The following ESYT1 variants were observed in gnomAD, a reference collection of about 807,000 sequenced individuals.
The protein encoded by ESYT1 is extended synaptotagmin 1, also known as extended synaptotagmin-1.
ESYT1 carries 116 observed loss-of-function variants against 154.2 expected under a neutral mutation model. That is an observed-to-expected ratio of 0.75 (90% confidence interval 0.65 to 0.88). The LOEUF (loss-of-function observed/expected upper bound fraction) is 0.88, where lower values mean the gene tolerates loss of function less well. ESYT1 is among the 40% of genes least tolerant of loss of function. The pLI is 0.00. For synonymous variants in ESYT1, 500 were observed against 539.9 expected, an observed-to-expected ratio of 0.93 and a Z score of 1.02; for missense variants, 1,264 against 1,379.3, an observed-to-expected ratio of 0.92 and a Z score of 1.32.
At position 56,128,541 on chromosome 12, in the gene ESYT1, G is replaced by C; in HGVS notation, c.222G>C (p.Val74=). ...TACCTGTGTATTTGGCCGGGGCAGT[G>C]GGACTCAGCGTGGGTTTCGTGCTCT... The part of the protein sequence containing the change: ...VLIPVYLAGA[V]GLSVGFVLFG... Residue 74 remains valine, a synonymous_variant, in exon 1 of 31, where the codon GTG becomes GTC. Transcript: ENST00000394048. The C allele has an allele frequency of 6.2e-7, 1 of 1,613,308 alleles. No homozygotes were observed. Among genetic ancestry groups the C allele is most frequent in the Non-Finnish European group, 8.5e-7 (1 of 1,179,684 alleles).
At chr12:56,141,520 C>T (rs762247184) in intron 24 of ESYT1, among the ~76,000 whole-genome samples, 54 of 152,302 alleles carry the variant, frequency 3.5e-4, no homozygotes, top group Non-Finnish European at 6.8e-4. Context: ...GCGGGCAGAT[C>T]ACAAGGTCAG....
At chr12:56,130,645 A>C (rs762662491) in intron 2 of ESYT1, 22 bp downstream of exon 2, 3 of 1,614,102 alleles carry the variant, frequency 1.9e-6, no homozygotes, top group African/African-American at 2.7e-5. Flanking sequence ...TTTGATTTTT[A>C]GTCTTCATGA....
chr12:56,133,568 T>C lies in ESYT1; in HGVS notation c.1294-20T>C, dbSNP rs369662109. The C allele has an allele frequency of 1.2e-6, 2 of 1,614,054 alleles. No homozygotes were observed. The highest frequency in any genetic ancestry group is 8.5e-7 in the Non-Finnish European group (1 of 1,179,868). ...AGTTGAGCAGGTATCTGATCTCTAC[T>C]ACATCTCAATTTCTTCTAGTGGTTC... On this transcript the variant is annotated intron_variant, in intron 11 of 30. Coordinates refer to ENST00000394048, the MANE Select transcript of ESYT1 (RefSeq NM_015292.3).
chr12:56,136,933 C>T, intron 16 of ESYT1, 40 bp downstream of exon 16: 1 of 1,539,532 alleles, frequency 6.5e-7, no homozygotes, highest in East Asian at 2.3e-5. Context: ...GGGGGAAAGG[C>T]CTGTTGATTC....
rs760497101 is a variant in ESYT1, at chr12:56,142,840, T to C, written c.2894T>C (p.Leu965Pro). The C allele has an allele frequency of 1.2e-6, 2 of 1,614,202 alleles. No homozygotes were observed. Among genetic ancestry groups the C allele is most frequent in the Non-Finnish European group, 1.7e-6 (2 of 1,180,030 alleles). Residue 965 changes from leucine (L) to proline (P), a missense_variant, in exon 27 of 31, where the codon CTT becomes CCT. Physicochemically the swap from Leu to Pro is moderately conservative, Grantham distance 98 (BLOSUM62 -3). Coordinates refer to ENST00000394048, the MANE Select transcript of ESYT1 (RefSeq NM_015292.3). This position sits in a 1 kb window ranked among gnomAD's most constrained non-coding sequence, Gnocchi z 4.1. ...RQRLTHVDSP[L>P]EAPAGPLGQV... ...CTACTGATATTTCTCCACAGTCCCCTTGAGGCTCCAGCCGGGCCTCTGGGC... is the reference window on the plus strand; with the variant it reads ...CTACTGATATTTCTCCACAGTCCCCCTGAGGCTCCAGCCGGGCCTCTGGGC...
intron 2 of ESYT1, 62 bp downstream of exon 2, chr12:56,130,685 C>T (rs1870196626): frequency 1.2e-6 from 2 of 1,613,434 alleles, no homozygotes; most frequent in Non-Finnish European, 1.7e-6. Context: ...TTCTTCTTGC[C>T]AGACCCATCC....
intron 29 of ESYT1, 95 bp from the exon 30 acceptor site, chr12:56,143,485 G>T: frequency 6.4e-7 from 1 of 1,555,920 alleles, no homozygotes; most frequent in South Asian, 1.1e-5. Flanking sequence ...GAAGGAACAT[G>T]GTCTTTGGAG....
chr12:56,137,508 C>T lies in ESYT1; in HGVS notation c.1948C>T (p.Arg650Trp), dbSNP rs769939110. 5 of 1,612,418 alleles carry T rather than the reference C, an allele frequency of 3.1e-6. No individual in the cohort carries two copies. The highest frequency in any genetic ancestry group is 2.2e-5 in the East Asian group (1 of 44,862). ...DSQFGTEHVL[R>W]IHVLEAQDLI... is the part of the protein sequence containing the mutation. Reference sequence around the variant, plus strand: ...CCCGTCCCTTTTGCAGCATGTGCTTCGGATCCATGTATTAGAGGCCCAGGA... The same window carrying T: ...CCCGTCCCTTTTGCAGCATGTGCTTTGGATCCATGTATTAGAGGCCCAGGA... Residue 650 changes from arginine (R) to tryptophan (W), a missense_variant, in exon 18 of 31, where the codon CGG (arginine) becomes TGG (tryptophan). Physicochemically the swap from Arg to Trp is moderately radical, Grantham distance 101. Coordinates refer to ENST00000394048, the MANE Select transcript of ESYT1 (RefSeq NM_015292.3).
intron 24 of ESYT1, among the ~76,000 whole-genome samples, chr12:56,141,551 T>G (rs192743894): frequency 2.0e-5 from 3 of 152,072 alleles, no homozygotes; most frequent in Admixed American, 1.3e-4. Flanking sequence ...CCATCCTGGC[T>G]AACACGGTGA....
chr12:56,138,714 G>A, intron 22 of ESYT1, 54 bp from the exon 23 acceptor site: 2 of 1,525,512 alleles, frequency 1.3e-6, no homozygotes, highest in Middle Eastern at 3.4e-4. Context: ...ATTTGTGAGG[G>A]GGATCTGCCT....
chr12:56,132,095 A>C (rs1870258267), intron 7 of ESYT1, 114 bp from the exon 8 acceptor site: 1 of 1,523,308 alleles, frequency 6.6e-7, no homozygotes, highest in Non-Finnish European at 9.0e-7. Flanking sequence ...AAGGATTTTC[A>C]CAAAAGGACT....
At position 56,133,173 on chromosome 12, in the gene ESYT1, G is replaced by A. The variant is rs529354127; in HGVS notation, c.1245-244G>A. On this transcript the variant is annotated intron_variant, in intron 10 of 30. Transcript: ENST00000394048. ...ATAAAGCCCATGCTACCGAGGTTCT[G>A]GAGGTAATTATACTCACTTTCTGGG... 2.6e-4 allele frequency among the ~76,000 whole-genome samples: 39 copies of A among 152,182 alleles called. 1 individual carries two copies. In the South Asian group the frequency reaches 7.5e-3, roughly 29 times the overall value.
intron 24 of ESYT1, among the ~76,000 whole-genome samples, chr12:56,141,180 G>A (rs1404239120): frequency 2.0e-5 from 3 of 152,140 alleles, no homozygotes; most frequent in South Asian, 2.1e-4. Context: ...CACTGTGCCC[G>A]GCTGAAATTA....
chr12:56,129,321 G>C (rs1230998572), intron 1 of ESYT1: 1 of 159,652 alleles, frequency 6.3e-6, no homozygotes, highest in Non-Finnish European at 1.4e-5. Context: ...GAGGTGGTGC[G>C]GCTGCTGCAG....
chr12:56,129,815 G>T (rs1248126663), intron 1 of ESYT1, among the ~76,000 whole-genome samples: 2 of 152,152 alleles, frequency 1.3e-5, no homozygotes, highest in Non-Finnish European at 2.9e-5. Flanking sequence ...GCCTAATTAG[G>T]TCTTCTGGCC....
In ESYT1 at chr12:56,142,852, C is replaced by G. The variant is rs1870763233; in HGVS notation, c.2906C>G (p.Ala969Gly). Residue 969 changes from alanine to glycine, a missense_variant, in exon 27 of 31, where the codon GCC becomes GGC. Transcript: ENST00000394048. This position sits in a 1 kb window ranked among gnomAD's most constrained non-coding sequence, Gnocchi z 4.1. Reference sequence around the variant, plus strand: ...CTCCACAGTCCCCTTGAGGCTCCAGCCGGGCCTCTGGGCCAGGTGAAACTG... The same window carrying G: ...CTCCACAGTCCCCTTGAGGCTCCAGGCGGGCCTCTGGGCCAGGTGAAACTG... ...THVDSPLEAP[A>G]GPLGQVKLTL... 1 of 1,614,082 alleles carries G rather than the reference C, an allele frequency of 6.2e-7. No individual in the cohort carries two copies. Among genetic ancestry groups the G allele is most frequent in the African/African-American group, 1.3e-5 (1 of 74,944 alleles).
In ESYT1 at chr12:56,142,684, TCAC is replaced by T. The variant is rs1167144804; in HGVS notation, c.2842_2844del (p.Thr948del). The T allele has an allele frequency of 3.1e-6, 5 of 1,613,880 alleles. No individual in the cohort carries two copies. The African/African-American group carries it at 6.7e-5, about 22-fold the overall frequency. The stretch of plus-strand genomic sequence containing the variant: ...GAGCTCTCGGGGGGACCCCCTCACA[TCAC>T]CTCCTCAGCCCCAGAGCTCCGGCAG... On this transcript the variant is annotated inframe_deletion, in exon 26 of 31. Transcript: ENST00000394048. This position sits in a 1 kb window ranked among gnomAD's most constrained non-coding sequence, Gnocchi z 4.1.
rs1400018480 is a variant in ESYT1, at chr12:56,138,933, T to A, written c.2512T>A (p.Ser838Thr). ...AAGCCCTCATCTCCACCAGACTATT[T>A]CGCAAACTTCAGCCCCTGTCTGGGA... is the stretch of plus-strand genomic sequence containing the variant. ...GDSSHKTKTISQTSAPVWDES... is the reference protein window; with the variant it reads ...GDSSHKTKTITQTSAPVWDES... The change falls in exon 24 of 31, where the codon TCG (serine) becomes ACG (threonine). Residue 838 changes from serine to threonine, a missense_variant. Ser to Thr is a moderately conservative substitution (Grantham distance 58). Transcript: ENST00000394048. The A allele has an allele frequency of 6.2e-7, 1 of 1,614,118 alleles. No homozygotes were observed. Among genetic ancestry groups the A allele is most frequent in the Non-Finnish European group, 8.5e-7 (1 of 1,179,988 alleles).
In ESYT1 at chr12:56,142,143, T is replaced by G. The variant is rs536365065; in HGVS notation, c.2593-142T>G. 1 of 912,208 alleles carries G rather than the reference T, an allele frequency of 1.1e-6. No individual in the cohort carries two copies. 56.5% of individuals were successfully genotyped at this position (912,208 alleles called of 1,614,324 possible). ...AAGGACAGAGGGAGGGACTAGCAAC[T>G]GTTACCATGGCTTCCCTGCCTTTCT... On this transcript the variant is annotated intron_variant, in intron 24 of 30. Transcript: ENST00000394048. This position sits in a 1 kb window ranked among gnomAD's most constrained non-coding sequence, Gnocchi z 4.1.
Sources: allele counts gnomAD v4.1 joint callset (sites outside exome capture counted in the v4.1 genomes callset), GRCh38; gene constraint gnomAD v4.1.1; non-coding constraint Gnocchi (gnomAD v3.1); transcripts MANE v1.5; gene names NCBI Gene and HGNC (gene_info 2026-07-23, HGNC 2026-07-21).